Variants in GPI observed in about 807,000 individuals in gnomAD.
GPI encodes D-hexose-6-phosphate anomerase.
In GPI, 56 loss-of-function variants were observed where a neutral mutation model predicts 75.8. That is an observed-to-expected ratio of 0.74 (90% CI 0.60 to 0.92). GPI has a LOEUF of 0.92. Among genes scored for constraint, GPI ranks in the 40% least tolerant of loss-of-function variants. GPI has a pLI of 0.00. For missense variants in GPI, 638 were observed against 741.0 expected, an observed-to-expected ratio of 0.86 and a Z score of 1.61; for synonymous variants, 288 against 285.4, an observed-to-expected ratio of 1.01 and a Z score of -0.09.
intron 3 of GPI, among the ~76,000 whole-genome samples, chr19:34,367,840 C>T (rs540362136): frequency 2.6e-5 from 4 of 152,342 alleles, no homozygotes; most frequent in South Asian, 2.1e-4. Flanking sequence ...CTGCCTAAAA[C>T]GTGCCAGCAA....
intron 8 of GPI, 55 bp from the exon 9 acceptor site, chr19:34,381,411 A>C (rs1227570202): frequency 8.3e-7 from 1 of 1,206,494 alleles, no homozygotes; most frequent in Non-Finnish European, 1.2e-6. Flanking sequence ...TCCTGTTCCC[A>C]TCCCGCTAGC....
In GPI at chr19:34,377,690, C is replaced by A. The variant is rs117598185; in HGVS notation, c.487-45C>A. 1,732 of 1,609,580 alleles carry A rather than the reference C, an allele frequency of 1.1e-3. 30 individuals are homozygous for A. The East Asian group carries it at 0.034, about 32-fold the overall frequency. ...ATGGGACCTGGCTGTCTCCACTTTTCGTGGGCCCTGAATTCTTATTCTCTG... is the reference window on the plus strand; with the variant it reads ...ATGGGACCTGGCTGTCTCCACTTTTAGTGGGCCCTGAATTCTTATTCTCTG... On this transcript the variant is annotated intron_variant, in intron 5 of 17. Coordinates refer to ENST00000356487, the MANE Select transcript of GPI (RefSeq NM_000175.5).
At chr19:34,386,611 T>C (rs1473766407) in intron 9 of GPI, among the ~76,000 whole-genome samples, 1 of 152,152 alleles carries the variant, frequency 6.6e-6, no homozygotes, top group African/African-American at 2.4e-5. Context: ...CCTAGGTGTA[T>C]AGAGCGGCCT....
At chr19:34,395,497 C>CTGTGG (rs1568348598) in intron 12 of GPI, among the ~76,000 whole-genome samples, 1 of 152,172 alleles carries the variant, frequency 6.6e-6, no homozygotes, top group Non-Finnish European at 1.5e-5. Context: ...AGCAATGATT[C>CTGTGG]TACCACTGTA....
chr19:34,372,311 C>T (rs1260674074), intron 4 of GPI, among the ~76,000 whole-genome samples: 1 of 152,128 alleles, frequency 6.6e-6, no homozygotes, highest in African/African-American at 2.4e-5. Flanking sequence ...TTATTTCTTT[C>T]TGTATTGATG....
At chr19:34,372,360 G>A (rs766244277) in intron 4 of GPI, among the ~76,000 whole-genome samples, 3 of 152,156 alleles carry the variant, frequency 2.0e-5, no homozygotes, top group Non-Finnish European at 2.9e-5. Context: ...GAAAAAGTAG[G>A]GCCAGGCACA....
chr19:34,368,769 C>G, intron 4 of GPI, 67 bp downstream of exon 4: 1 of 1,581,558 alleles, frequency 6.3e-7, no homozygotes, highest in Non-Finnish European at 8.7e-7. Context: ...TCTGGGAGCC[C>G]TAAGGGGCAG....
At chr19:34,390,346 G>C (rs1274098562) in intron 9 of GPI, among the ~76,000 whole-genome samples, 1 of 152,082 alleles carries the variant, frequency 6.6e-6, no homozygotes, top group South Asian at 2.1e-4. Flanking sequence ...AGAGCTGCTG[G>C]GTCTTTCATT....
chr19:34,382,188 G>A (rs997471418), intron 9 of GPI, among the ~76,000 whole-genome samples: 5 of 152,160 alleles, frequency 3.3e-5, no homozygotes, highest in Admixed American at 2.0e-4. Context: ...TGTGATGCAG[G>A]CACTGTGAAT....
chr19:34,396,371 TTG>T lies in GPI; in HGVS notation c.1138_1139del (p.Trp380GlyfsTer25). 6.2e-7 allele frequency: 1 copy of T among 1,613,644 alleles called. No homozygotes were observed. The highest frequency in any genetic ancestry group is 8.5e-7 in the Non-Finnish European group (1 of 1,179,526). On this transcript the variant is annotated frameshift_variant, in exon 13 of 18. Transcript: ENST00000356487. LOFTEE classifies it high-confidence loss of function. ...CGTGTGGACCACCAGACAGGCCCCA[TTG>T]TGTGGGGGGAGCCAGGGACCAATGG...
chr19:34,377,614 G>A lies in GPI; in HGVS notation c.486+28G>A, dbSNP rs780705850. ...GAGGAGAAAACTGCCTTGGGGTAGG[G>A]TGGGAGTCTGGGCACTGTTGGTCCC... On this transcript the variant is annotated intron_variant, in intron 5 of 17. Transcript: ENST00000356487. The A allele has an allele frequency of 2.5e-6, 4 of 1,595,702 alleles. No homozygotes were observed. In the Admixed American group the frequency reaches 6.7e-5, roughly 27 times the overall value.
Position 34,377,484 on chromosome 19 carries a change from A to C in GPI, c.403-19A>C. On this transcript the variant is annotated intron_variant, in intron 4 of 17. Coordinates refer to ENST00000356487, the MANE Select transcript of GPI (RefSeq NM_000175.5). Reference sequence around the variant, plus strand: ...ATGCCTGGGGGTTTGGGCTGATGGCATCTTCGCCCCTGTGCCAGCGTGTCC... The same window carrying C: ...ATGCCTGGGGGTTTGGGCTGATGGCCTCTTCGCCCCTGTGCCAGCGTGTCC... 1 of 1,590,358 alleles carries C rather than the reference A, an allele frequency of 6.3e-7. No individual in the cohort carries two copies. Among genetic ancestry groups the C allele is most frequent in the Non-Finnish European group, 8.6e-7 (1 of 1,158,932 alleles).
At chr19:34,367,157 A>G (rs763705899) in intron 3 of GPI, 70 of 487,604 alleles carry the variant, frequency 1.4e-4, no homozygotes, top group African/African-American at 1.1e-3. Context: ...TATATCCTCA[A>G]TGCAAGTTTT....
upstream of GPI, among the ~76,000 whole-genome samples, chr19:34,360,975 A>C (rs969560373): frequency 6.6e-5 from 10 of 151,696 alleles, no homozygotes; most frequent in East Asian, 2.0e-3. Flanking sequence ...ACAGGGTTTC[A>C]CCATGGTGGC....
At chr19:34,367,028 C>G in intron 3 of GPI, 177 bp downstream of exon 3, 1 of 703,080 alleles carries the variant, frequency 1.4e-6, no homozygotes, top group South Asian at 1.5e-5. Flanking sequence ...GTGCCTTCCA[C>G]AAGATTGGTT....
intron 8 of GPI, 60 bp downstream of exon 8, chr19:34,379,622 A>G (rs920862494): frequency 6.8e-5 from 92 of 1,361,114 alleles, no homozygotes; most frequent in Non-Finnish European, 9.2e-5. Flanking sequence ...TGTCCAGGTC[A>G]TGGCCTCTCA....
Position 34,400,094 on chromosome 19 carries a change from C to T in GPI, c.*58C>T, listed in dbSNP as rs1013546938. The T allele has an allele frequency of 1.5e-5, 24 of 1,574,096 alleles. No individual in the cohort carries two copies. The highest frequency in any genetic ancestry group is 2.1e-5 in the Non-Finnish European group (24 of 1,156,884). On this transcript the variant is annotated 3_prime_UTR_variant, in exon 18 of 18. Coordinates refer to ENST00000356487, the MANE Select transcript of GPI (RefSeq NM_000175.5). The stretch of plus-strand genomic sequence containing the variant: ...CCCCTTTCTCTTCTCGTCCCTCCTC[C>T]CCGGAGCCGGCACTGCATGTTCCTG...
intron 12 of GPI, 36 bp from the exon 13 acceptor site, chr19:34,396,265 A>G (rs2074942708): frequency 4.3e-6 from 7 of 1,612,710 alleles, no homozygotes; most frequent in Non-Finnish European, 5.9e-6. Flanking sequence ...ATGTTCTTTC[A>G]TTTTGCCAAG....
upstream of GPI, among the ~76,000 whole-genome samples, chr19:34,363,674 G>A (rs891377443): frequency 1.3e-5 from 2 of 152,168 alleles, no homozygotes; most frequent in Admixed American, 1.3e-4. Context: ...ACAAAAATTA[G>A]TTGGGTGTGG....
Sources: gnomAD v4.1 joint callset for allele counts (sites outside exome capture counted in the v4.1 genomes callset) on GRCh38, gnomAD v4.1.1 for gene constraint, MANE v1.5 for transcripts, NCBI Gene and HGNC (gene_info 2026-07-23, HGNC 2026-07-21) for gene names.